NPY1R: variants seen among roughly 807,000 people sequenced by gnomAD.
NPY1R encodes the protein neuropeptide Y receptor Y1, also known as neuropeptide Y receptor type 1.
A neutral mutation model predicts 24.1 loss-of-function variants in NPY1R; 10 were observed. That is an observed-to-expected ratio of 0.42 (90% CI 0.26 to 0.71). The LOEUF (loss-of-function observed/expected upper bound fraction) is 0.71, where lower values mean the gene tolerates loss of function less well. NPY1R is among the 30% of genes least tolerant of loss of function. The pLI, the probability that NPY1R is intolerant of heterozygous loss-of-function variation, is 0.28. For missense variants in NPY1R, 350 were observed against 458.0 expected, an observed-to-expected ratio of 0.76 and a Z score of 2.15; for synonymous variants, 168 against 165.9, an observed-to-expected ratio of 1.01 and a Z score of -0.10.
Position 163,326,376 on chromosome 4 carries a change from GC to G in NPY1R, c.178del (p.Ala60ProfsTer2). On this transcript the variant is annotated frameshift_variant, in exon 2 of 3. Transcript: ENST00000296533. LOFTEE classifies it high-confidence loss of function. The part of the protein sequence containing the change: ...VIILGVSGNL[A>X]LIIIILKQKE... ...TTGTTTCAAGATGATTATGATCAAG[GC>G]CAGGTTTCCAGAGACACCAAGAATG... The G allele has an allele frequency of 6.2e-7, 1 of 1,614,072 alleles. No individual in the cohort carries two copies. The highest frequency in any genetic ancestry group is 8.5e-7 in the Non-Finnish European group (1 of 1,179,942).
chr4:163,338,839 C>G lies in NPY1R; in HGVS notation c.-152+5466G>C, dbSNP rs1041430487. 3.3e-5 allele frequency among the ~76,000 whole-genome samples: 5 copies of G among 152,248 alleles called. No individual in the cohort carries two copies. The East Asian group carries it at 7.7e-4, about 24-fold the overall frequency. On this transcript the variant is annotated intron_variant, in intron 1 of 1. Transcript: ENST00000511901. ...GACATTGTGCTTCTCTGCTTATGGACCTGATCAGTAGCATCATTCTTCTCC... is the reference window on the plus strand; with the variant it reads ...GACATTGTGCTTCTCTGCTTATGGAGCTGATCAGTAGCATCATTCTTCTCC...
chr4:163,332,777 C>G (rs1483593400), upstream of NPY1R: 1 of 152,452 alleles, frequency 6.6e-6, no homozygotes, highest in Non-Finnish European at 1.5e-5. Flanking sequence ...ACAGAAGCCA[C>G]ACATTATTCG....
chr4:163,339,883 T>A (rs2110817761), intron 1 of NPY1R, among the ~76,000 whole-genome samples: 1 of 152,210 alleles, frequency 6.6e-6, no homozygotes, highest in East Asian at 1.9e-4. Context: ...CGGTCTCATA[T>A]TTTTTTCTAC....
chr4:163,333,721 T>C (rs1442384730), upstream of NPY1R, among the ~76,000 whole-genome samples: 1 of 152,196 alleles, frequency 6.6e-6, no homozygotes, highest in Non-Finnish European at 1.5e-5. Flanking sequence ...TTTTTCTGAT[T>C]GTTAGGCTGA....
At position 163,339,788 on chromosome 4, in the gene NPY1R, T is replaced by G. The variant is rs1158381636; in HGVS notation, c.-152+4517A>C. Among the ~76,000 whole-genome samples, 6 of 152,204 alleles carry G rather than the reference T, an allele frequency of 3.9e-5. 1 individual carries two copies. Among genetic ancestry groups the G allele is most frequent in the Non-Finnish European group, 8.8e-5 (6 of 68,004 alleles). ...CCTCATATTTTTGGATATTCTTATG[T>G]GTTAGCTCTGCCTCCTCTATTAGGT... On this transcript the variant is annotated intron_variant, in intron 1 of 1. Transcript: ENST00000511901.
At chr4:163,342,181 C>T (rs1185402323) in intron 1 of NPY1R, among the ~76,000 whole-genome samples, 1 of 152,080 alleles carries the variant, frequency 6.6e-6, no homozygotes, top group African/African-American at 2.4e-5. Context: ...CCTAAAGGTT[C>T]ATATCATCAA....
chr4:163,326,734 A>G, intron 1 of NPY1R, 29 bp from the exon 2 acceptor site: 1 of 491,846 alleles, frequency 2.0e-6, no homozygotes, highest in East Asian at 3.2e-5. Context: ...CAATTGCATT[A>G]CTAATTTTAT....
Position 163,324,438 on chromosome 4 carries a change from C to T in NPY1R, c.*865G>A, listed in dbSNP as rs547348941. On this transcript the variant is annotated 3_prime_UTR_variant, in exon 3 of 3. Transcript: ENST00000296533. ...TTGAGTACATATTTATGCCAGAAAG[C>T]TTGACAAACACTGAACAGTCTGTAA... 3.3e-5 allele frequency: 5 copies of T among 152,284 alleles called. No individual in the cohort carries two copies. The South Asian group carries it at 1.0e-3, about 32-fold the overall frequency. The allele number at this position is 152,284 out of a possible 1,614,324, so 9.4% of individuals were successfully genotyped here.
chr4:163,330,676 A>G (rs933459679), intron 1 of NPY1R: 1 of 152,268 alleles, frequency 6.6e-6, no homozygotes. Context: ...ATGTGCATAT[A>G]GAGACAAAAC....
At position 163,325,203 on chromosome 4, in the gene NPY1R, T is replaced by G; in HGVS notation, c.*100A>C. On this transcript the variant is annotated 3_prime_UTR_variant, in exon 3 of 3. Transcript: ENST00000296533. ...GAAAATCTTAGTCATTTTCAAATGA[T>G]TTCAACCCCATTCCTTGGGAGAACA... 1 of 836,530 alleles carries G rather than the reference T, an allele frequency of 1.2e-6. No individual in the cohort carries two copies. Among genetic ancestry groups the G allele is most frequent in the Non-Finnish European group, 1.9e-6 (1 of 526,692 alleles). The allele number at this position is 836,530 out of a possible 1,614,324, so 51.8% of individuals were successfully genotyped here. A position where few individuals can be genotyped will look rare whatever the true frequency, so the allele number is the denominator to read the frequency against.
At chr4:163,343,621 T>C (rs1361202973) in intron 1 of NPY1R, among the ~76,000 whole-genome samples, 3 of 151,854 alleles carry the variant, frequency 2.0e-5, no homozygotes, top group African/African-American at 4.8e-5. Flanking sequence ...CTACACAGGG[T>C]TGAGGGCTGG....
chr4:163,325,908 A>G lies in NPY1R; in HGVS notation c.647T>C (p.Leu216Ser). The G allele has an allele frequency of 6.2e-7, 1 of 1,614,122 alleles. No homozygotes were observed. Among genetic ancestry groups the G allele is most frequent in the South Asian group, 1.1e-5 (1 of 91,076 alleles). Residue 216 changes from leucine to serine, a missense_variant, in exon 2 of 3, where the codon TTG becomes TCG. Transcript: ENST00000296533. ...AAGTGGACCAAAATACTGCAGCACC[A>G]AGAGGAGAGTGGTATAAGACAACCT... ...SHRLSYTTLL[L>S]VLQYFGPLCF...
chr4:163,334,862 A>G (rs11361644), upstream of NPY1R, among the ~76,000 whole-genome samples: 34 of 124,854 alleles, frequency 2.7e-4, 1 homozygote, highest in South Asian at 3.7e-3. Context: ...TCTGTTTTGG[A>G]AAAAAAAAAA....
At chr4:163,342,662 G>A (rs578083727) in intron 1 of NPY1R, among the ~76,000 whole-genome samples, 1 of 152,226 alleles carries the variant, frequency 6.6e-6, no homozygotes, top group African/African-American at 2.4e-5. Context: ...AATCTATACA[G>A]ATCCCCTGAG....
intron 1 of NPY1R, among the ~76,000 whole-genome samples, chr4:163,329,976 G>T (rs1337184839): frequency 6.6e-6 from 1 of 152,024 alleles, no homozygotes; most frequent in Non-Finnish European, 1.5e-5. Context: ...AAGGTGTGAA[G>T]TTTTATGACT....
At chr4:163,336,057 A>C (rs1380837789), upstream of NPY1R, among the ~76,000 whole-genome samples, 1 of 152,212 alleles carries the variant, frequency 6.6e-6, no homozygotes, top group African/African-American at 2.4e-5. Context: ...AAGTGCACAG[A>C]CAATTCAATG....
At chr4:163,329,284 C>A (rs12510421) in intron 1 of NPY1R, among the ~76,000 whole-genome samples, 125,962 of 152,100 alleles carry the variant, frequency 0.83, 52,812 homozygotes, top group East Asian at 0.96. Flanking sequence ...GATGATAATA[C>A]ATATTATGAA....
rs1012419366 is a variant in NPY1R, at chr4:163,326,575, T to C, written c.-21A>G. The C allele has an allele frequency of 6.9e-7, 1 of 1,442,744 alleles. No homozygotes were observed. Among genetic ancestry groups the C allele is most frequent in the Non-Finnish European group, 9.6e-7 (1 of 1,045,260 alleles). 89.4% of individuals were successfully genotyped at this position (1,442,744 alleles called of 1,614,324 possible). A position where few individuals can be genotyped will look rare whatever the true frequency, so the allele number is the denominator to read the frequency against. ...TTCATTTTGATTGGTTTGGTTGTTA[T>C]AGATTATTTTAGACAAATGGACAGT... On this transcript the variant is annotated 5_prime_UTR_variant, in exon 2 of 3. Coordinates refer to ENST00000296533, the MANE Select transcript of NPY1R (RefSeq NM_000909.6).
chr4:163,328,730 T>G (rs1049337592), intron 1 of NPY1R, among the ~76,000 whole-genome samples: 16 of 152,168 alleles, frequency 1.1e-4, no homozygotes, highest in Non-Finnish European at 1.6e-4. Context: ...GTCTACCAAA[T>G]ATAGCTCTGC....
Sources: allele counts gnomAD v4.1 joint callset (sites outside exome capture counted in the v4.1 genomes callset), GRCh38; gene constraint gnomAD v4.1.1; transcripts MANE v1.5; gene names NCBI Gene and HGNC (gene_info 2026-07-23, HGNC 2026-07-21).